Variants in SULT1A1 observed in about 807,000 individuals in gnomAD.
SULT1A1 encodes the protein sulfotransferase 1A1.
Under a neutral mutation model 36.8 loss-of-function variants are expected in SULT1A1, and 35 were observed. The observed-to-expected ratio is 0.95, with a 90% confidence interval of 0.73 to 1.26. The LOEUF (loss-of-function observed/expected upper bound fraction) is 1.26. Ranked by LOEUF, SULT1A1 falls within the 50% of genes most tolerant of loss-of-function variation. The pLI is 0.00. For synonymous variants in SULT1A1, 119 were observed against 146.0 expected, an observed-to-expected ratio of 0.82 and a Z score of 1.33; for missense variants, 309 against 383.0, an observed-to-expected ratio of 0.81 and a Z score of 1.61.
Position 28,605,653 on chromosome 16 carries a change from G to A in SULT1A1, c.*168C>T, listed in dbSNP as rs1466643356. ...AACAGAATCTCACTATGTTGCCCAGGTTGGTCTCGAACTCCTGGGCTCAAA... is the reference window on the plus strand; with the variant it reads ...AACAGAATCTCACTATGTTGCCCAGATTGGTCTCGAACTCCTGGGCTCAAA... On this transcript the variant is annotated 3_prime_UTR_variant, in exon 8 of 8. Coordinates refer to ENST00000314752, the MANE Select transcript of SULT1A1 (RefSeq NM_001055.4). 4 of 1,097,340 alleles carry A rather than the reference G, an allele frequency of 3.6e-6. No individual in the cohort carries two copies. The highest frequency in any genetic ancestry group is 3.0e-5 in the African/African-American group (2 of 66,636). 68.0% of individuals were successfully genotyped at this position (1,097,340 alleles called of 1,614,324 possible). A position where few individuals can be genotyped will look rare whatever the true frequency, so the allele number is the denominator to read the frequency against.
At chr16:28,615,979 G>A (rs903270325) in intron 2 of SULT1A1, among the ~76,000 whole-genome samples, 1 of 150,948 alleles carries the variant, frequency 6.6e-6, no homozygotes, top group African/African-American at 2.4e-5. Flanking sequence ...AGGTGGACTA[G>A]GAGTGTGACC....
chr16:28,620,011 G>GTATA, intron 2 of SULT1A1: 1 of 1,394,752 alleles, frequency 7.2e-7, no homozygotes, highest in Non-Finnish European at 1.0e-6. Context: ...GTGTGTGTGT[G>GTATA]TATATACACA....
exon 1 of SULT1A1, chr16:28,623,180 C>T (rs1439921294): frequency 1.3e-6 from 2 of 1,551,162 alleles, no homozygotes; most frequent in Non-Finnish European, 1.7e-6. Context: ...CCTGGTCGCA[C>T]AGCAACTTGG....
chr16:28,621,494 A>C (rs1376452447), intron 1 of SULT1A1, among the ~76,000 whole-genome samples: 4 of 145,192 alleles, frequency 2.8e-5, no homozygotes, highest in East Asian at 4.0e-4. Context: ...AAAAAAAAAA[A>C]AAAAAAAAAA....
chr16:28,620,712 T>A (rs377682305), intron 1 of SULT1A1, among the ~76,000 whole-genome samples: 35 of 152,036 alleles, frequency 2.3e-4, no homozygotes, highest in East Asian at 1.5e-3. Context: ...ACAAAAACAA[T>A]CCAGTTACAA....
At chr16:28,617,294 G>C (rs1295311217) in intron 2 of SULT1A1, among the ~76,000 whole-genome samples, 2 of 152,120 alleles carry the variant, frequency 1.3e-5, no homozygotes, top group Admixed American at 1.3e-4. Flanking sequence ...AGCATTACAG[G>C]CATGAGCCAC....
At chr16:28,621,482 CAAAAA>C (rs59910514) in intron 1 of SULT1A1, among the ~76,000 whole-genome samples, 2 of 59,540 alleles carry the variant, frequency 3.4e-5, no homozygotes, top group South Asian at 7.7e-4. Context: ...GACTCTGTCT[CAAAAA>C]AAAAAAAAAA....
At chr16:28,610,249 AG>A, upstream of SULT1A1, 11 of 298,264 alleles carry the variant, frequency 3.7e-5, no homozygotes, top group Non-Finnish European at 5.2e-5. Flanking sequence ...TTGTTTTTGT[AG>A]GTTTTTTTTT....
chr16:28,609,344 A>G (rs752833575), intron 1 of SULT1A1: 19 of 1,290,438 alleles, frequency 1.5e-5, no homozygotes, highest in Admixed American at 7.0e-5. Flanking sequence ...CAGGCCAGCC[A>G]GGCCTGTGAT....
chr16:28,609,935 G>C lies in SULT1A1; in HGVS notation c.-9C>G, dbSNP rs1279844119. 3 of 1,287,200 alleles carry C rather than the reference G, an allele frequency of 2.3e-6. No homozygotes were observed. Among genetic ancestry groups the C allele is most frequent in the Admixed American group, 4.6e-5 (2 of 43,260 alleles). The allele number at this position is 1,287,200 out of a possible 1,614,324, so 79.7% of individuals were successfully genotyped here. A position where few individuals can be genotyped will look rare whatever the true frequency, so the allele number is the denominator to read the frequency against. On this transcript the variant is annotated 5_prime_UTR_variant, in exon 1 of 8. Coordinates refer to ENST00000314752, the MANE Select transcript of SULT1A1 (RefSeq NM_001055.4). ...CCGTTCCACTGTGTCACTCACCTGA[G>C]CTCTTGGGAACCTGGCCTCGTGCCC...
At position 28,608,730 on chromosome 16, in the gene SULT1A1, G is replaced by C; in HGVS notation, c.126C>G (p.Leu42=). The C allele has an allele frequency of 6.2e-7, 1 of 1,613,018 alleles. No individual in the cohort carries two copies. The highest frequency in any genetic ancestry group is 8.5e-7 in the Non-Finnish European group (1 of 1,179,340). The change falls in exon 2 of 8, where the codon CTC becomes CTG. Residue 42 remains leucine, a synonymous_variant. Coordinates refer to ENST00000314752, the MANE Select transcript of SULT1A1 (RefSeq NM_001055.4). The stretch of plus-strand genomic sequence containing the variant: ...TACCGGACTTGGGGTAGGTGCTGAT[G>C]AGCAGGTCATCAGGCCGGGCCTGGA... ...QSFQARPDDL[L]ISTYPKSGTT...
intron 2 of SULT1A1, among the ~76,000 whole-genome samples, chr16:28,619,882 A>C (rs1468660281): frequency 1.3e-5 from 2 of 151,786 alleles, no homozygotes; most frequent in Non-Finnish European, 2.9e-5. Context: ...ATCTTTATAA[A>C]TATGTACACA....
intron 6 of SULT1A1, 41 bp downstream of exon 6, chr16:28,606,720 C>CCT: frequency 6.2e-7 from 1 of 1,606,296 alleles, no homozygotes; most frequent in Middle Eastern, 1.9e-4. Flanking sequence ...GGTGCCTGCC[C>CCT]CCAGGAGTCA....
upstream of SULT1A1, chr16:28,610,962 G>A (rs2047429727): frequency 7.3e-6 from 1 of 137,820 alleles, no homozygotes; most frequent in Non-Finnish European, 1.6e-5. Context: ...GCGGACAGGT[G>A]GGAGTGTGGG....
intron 1 of SULT1A1, 176 bp downstream of exon 1, chr16:28,609,755 G>A (rs1034405060): frequency 2.9e-5 from 23 of 784,616 alleles, no homozygotes; most frequent in African/African-American, 1.9e-4. Context: ...TGGCCTCCCC[G>A]GGGAAAAAAA....
chr16:28,605,384 C>T lies in SULT1A1; in HGVS notation c.*437G>A, dbSNP rs915129263. 6.4e-5 allele frequency: 18 copies of T among 283,282 alleles called. No individual in the cohort carries two copies. Among genetic ancestry groups the T allele is most frequent in the African/African-American group, 3.8e-4 (17 of 44,960 alleles). The allele number at this position is 283,282 out of a possible 1,614,324, so 17.5% of individuals were successfully genotyped here. ...CTCCCTGGCTCAGGCGATCCTCCTG[C>T]CTTCACTTGTCAAGTAGCTGGGACT... On this transcript the variant is annotated 3_prime_UTR_variant, in exon 8 of 8. Transcript: ENST00000314752.
At chr16:28,623,090 A>G in intron 1 of SULT1A1, 4 of 1,383,934 alleles carry the variant, frequency 2.9e-6, no homozygotes, top group Non-Finnish European at 4.0e-6. Flanking sequence ...CAGTCCCCCA[A>G]TACTGGTCCC....
intron 2 of SULT1A1, among the ~76,000 whole-genome samples, chr16:28,619,740 AT>A (rs71140983): frequency 0.071 from 735 of 10,288 alleles, 5 homozygotes; most frequent in African/African-American, 0.079. Flanking sequence ...TTATTAAAAA[AT>A]ATATATATAC....
intron 1 of SULT1A1, among the ~76,000 whole-genome samples, chr16:28,621,120 A>T (rs1375608576): frequency 6.6e-6 from 1 of 151,934 alleles, no homozygotes; most frequent in East Asian, 1.9e-4. Flanking sequence ...TCCCAAAAAA[A>T]AAAAGAAAAG....
Sources: allele counts gnomAD v4.1 joint callset (sites outside exome capture counted in the v4.1 genomes callset), GRCh38; gene constraint gnomAD v4.1.1; transcripts MANE v1.5; gene names NCBI Gene and HGNC (gene_info 2026-07-23, HGNC 2026-07-21).